The following RPTOR variants were observed in gnomAD, a reference collection of about 807,000 sequenced individuals.
The protein encoded by RPTOR is regulatory associated protein of MTOR complex 1.
A neutral mutation model predicts 169.9 loss-of-function variants in RPTOR; 21 were observed. The observed-to-expected ratio is 0.12, with a 90% CI of 0.09 to 0.18. The LOEUF (loss-of-function observed/expected upper bound fraction) is 0.18. RPTOR is among the 10% of genes least tolerant of loss of function. The pLI is 1.00. For missense variants in RPTOR, 1,133 were observed against 1,855.9 expected (o/e 0.61, Z 7.16); for synonymous variants, 732 against 753.2 (o/e 0.97, Z 0.46).
chr17:80,819,680 G>A (rs368330489), intron 7 of RPTOR, among the ~76,000 whole-genome samples: 10 of 152,218 alleles, frequency 6.6e-5, no homozygotes, highest in Middle Eastern at 3.2e-3. Context: ...GCGCACGCTC[G>A]TACAGGATAG....
intron 1 of RPTOR, among the ~76,000 whole-genome samples, chr17:80,620,403 A>G (rs1407067611): frequency 1.3e-5 from 2 of 152,208 alleles, no homozygotes; most frequent in African/African-American, 4.8e-5. Flanking sequence ...TTTTGAAACG[A>G]GGTTGCCATA....
At chr17:80,684,125 G>C (rs2065917891) in intron 3 of RPTOR, among the ~76,000 whole-genome samples, 1 of 152,164 alleles carries the variant, frequency 6.6e-6, no homozygotes, top group Non-Finnish European at 1.5e-5. Context: ...GCCATGGTCA[G>C]AGTTACTTGG....
At chr17:80,924,389 C>T (rs1254085209) in intron 23 of RPTOR, among the ~76,000 whole-genome samples, 4 of 152,100 alleles carry the variant, frequency 2.6e-5, no homozygotes, top group Non-Finnish European at 4.4e-5. Flanking sequence ...GAGTGGGGTC[C>T]GGGGCTCGCT....
chr17:80,957,743 G>C lies in RPTOR; in HGVS notation c.3477+13G>C, dbSNP rs774878799. The C allele has an allele frequency of 8.1e-6, 13 of 1,611,690 alleles. No individual in the cohort carries two copies. Among genetic ancestry groups the C allele is most frequent in the Non-Finnish European group, 1.1e-5 (13 of 1,178,074 alleles). On this transcript the variant is annotated intron_variant, in intron 29 of 33. Transcript: ENST00000306801. The surrounding 1 kb of genome is among the most constrained non-coding windows in gnomAD (Gnocchi z 4.6). ...GATGAAGGTGCAGGTAACCATGCAGGTGTCCCCCAAGCCCTGGGCCTGTGG... is the reference window on the plus strand; with the variant it reads ...GATGAAGGTGCAGGTAACCATGCAGCTGTCCCCCAAGCCCTGGGCCTGTGG...
intron 7 of RPTOR, among the ~76,000 whole-genome samples, chr17:80,816,786 G>C (rs11150748): frequency 0.16 from 24,106 of 152,210 alleles, 1,998 homozygotes; most frequent in Middle Eastern, 0.22. Flanking sequence ...GGGCCAAGGA[G>C]AGCTTAGCTA....
chr17:80,957,594 G>T lies in RPTOR; in HGVS notation c.3371-30G>T, dbSNP rs202136851. ...CCTGCCCAAGGCAAGGGCCCATGGG[G>T]TGATGCCATGTCCCACTGTATCTCT... On this transcript the variant is annotated intron_variant, in intron 28 of 33. Coordinates refer to ENST00000306801, the MANE Select transcript of RPTOR (RefSeq NM_020761.3). The surrounding 1 kb of genome is among the most constrained non-coding windows in gnomAD (Gnocchi z 4.6). 5 of 1,601,920 alleles carry T rather than the reference G, an allele frequency of 3.1e-6. No individual in the cohort carries two copies. The East Asian group carries it at 6.7e-5, about 21-fold the overall frequency.
chr17:80,694,663 G>C (rs1337122939), intron 3 of RPTOR, among the ~76,000 whole-genome samples: 1 of 152,224 alleles, frequency 6.6e-6, no homozygotes, highest in Non-Finnish European at 1.5e-5. Context: ...GCTGGTGGTA[G>C]CTCCGCACTT....
intron 24 of RPTOR, among the ~76,000 whole-genome samples, chr17:80,938,195 A>C (rs2068978085): frequency 6.6e-6 from 1 of 152,170 alleles, no homozygotes; most frequent in African/African-American, 2.4e-5. Context: ...CTGTTCTGGC[A>C]TGGGCCCCCT....
chr17:80,795,112 A>T (rs549322890), intron 7 of RPTOR, among the ~76,000 whole-genome samples: 1 of 152,256 alleles, frequency 6.6e-6, no homozygotes, highest in Admixed American at 6.5e-5. Flanking sequence ...CGGAGAGTGC[A>T]GAGCAGATGC....
rs1018668539 is a variant in RPTOR, at chr17:80,844,015, T to C, written c.1213-2458T>C. On this transcript the variant is annotated intron_variant, in intron 10 of 33. Transcript: ENST00000306801. This position sits in a 1 kb window ranked among gnomAD's most constrained non-coding sequence, Gnocchi z 4.7. ...AGCCCAGCAGGACCTGTGAGCTCTC[T>C]GTCTCGCTGAATGGACTTCGCTCCC... Among the ~76,000 whole-genome samples the C allele has an allele frequency of 6.6e-6, 1 of 152,198 alleles. No individual in the cohort carries two copies. Among genetic ancestry groups the C allele is most frequent in the East Asian group, 1.9e-4 (1 of 5,194 alleles).
chr17:80,913,444 G>A (rs921577486), intron 21 of RPTOR, among the ~76,000 whole-genome samples: 1 of 151,874 alleles, frequency 6.6e-6, no homozygotes. Context: ...GTTTAGTTTT[G>A]GGGGTGTTGT....
chr17:80,740,183 A>G (rs1387977579), intron 5 of RPTOR, among the ~76,000 whole-genome samples: 2 of 152,210 alleles, frequency 1.3e-5, no homozygotes, highest in Non-Finnish European at 1.5e-5. Context: ...AGCTACCAAA[A>G]TCCAACCAAT....
chr17:80,876,092 A>G (rs68073913), intron 13 of RPTOR, among the ~76,000 whole-genome samples: 388 of 57,492 alleles, frequency 6.7e-3, no homozygotes, highest in African/African-American at 9.9e-3. Flanking sequence ...TGTGTGTGTC[A>G]CCTGCCGGGT....
chr17:80,963,196 G>A, intron 33 of RPTOR, 139 bp downstream of exon 33: 1 of 853,582 alleles, frequency 1.2e-6, no homozygotes, highest in Non-Finnish European at 1.8e-6. Context: ...GGAGGGACTT[G>A]CCTGGGTCCC....
intron 3 of RPTOR, among the ~76,000 whole-genome samples, chr17:80,686,723 G>A (rs1453090036): frequency 2.0e-5 from 3 of 152,144 alleles, no homozygotes; most frequent in Admixed American, 2.0e-4. Context: ...TAAATATGAA[G>A]AGGTACTTGC....
chr17:80,558,215 G>A (rs2084435167), intron 1 of RPTOR, among the ~76,000 whole-genome samples: 2 of 152,182 alleles, frequency 1.3e-5, no homozygotes, highest in African/African-American at 4.8e-5. Context: ...TCAAGGGGAT[G>A]GTTTGAGTCA....
At chr17:80,857,375 TGGCC>T (rs2067864627) in intron 12 of RPTOR, among the ~76,000 whole-genome samples, 2 of 150,584 alleles carry the variant, frequency 1.3e-5, no homozygotes, top group African/African-American at 4.9e-5. Context: ...CACGGAGAGG[TGGCC>T]ATGCCGTCAC....
intron 28 of RPTOR, among the ~76,000 whole-genome samples, chr17:80,953,248 T>C (rs889369377): frequency 1.1e-4 from 16 of 152,132 alleles, no homozygotes; most frequent in African/African-American, 3.6e-4. Flanking sequence ...CTGCTGCCCA[T>C]TAAAGCAGTT....
At chr17:80,692,415 AG>A (rs2066001198) in intron 3 of RPTOR, among the ~76,000 whole-genome samples, 1 of 152,078 alleles carries the variant, frequency 6.6e-6, no homozygotes, top group Non-Finnish European at 1.5e-5. Flanking sequence ...TCCACCTCCC[AG>A]GTTCAAGCGA....
Sources: gnomAD v4.1 joint callset for allele counts (sites outside exome capture counted in the v4.1 genomes callset) on GRCh38, gnomAD v4.1.1 for gene constraint, Gnocchi (gnomAD v3.1) non-coding constraint, MANE v1.5 for transcripts, NCBI Gene and HGNC (gene_info 2026-07-23, HGNC 2026-07-21) for gene names.